Variants in P2RY8 observed in about 807,000 individuals in gnomAD.
P2RY8 encodes S-geranylgeranyl-glutathione receptor P2RY8.
A neutral mutation model predicts 10.0 loss-of-function variants in P2RY8; 6 were observed. The observed-to-expected ratio is 0.60, with a 90% CI of 0.33 to 1.19. P2RY8 has a LOEUF of 1.19. Ranked by LOEUF, P2RY8 falls within the 50% of genes most tolerant of loss-of-function variation. P2RY8 has a pLI of 0.04. For synonymous variants in P2RY8, 276 were observed against 252.5 expected (o/e 1.09, Z -0.88); for missense variants, 456 against 542.0 (o/e 0.84, Z 1.58).
intron 1 of P2RY8, among the ~76,000 whole-genome samples, chrX:1,528,442 C>T (rs1212288738): frequency 1.3e-5 from 2 of 152,218 alleles, no homozygotes; most frequent in Non-Finnish European, 2.9e-5. Flanking sequence ...GAGCAGCAGG[C>T]GCTGCCAGTC....
At chrX:1,515,034 G>C (rs1306267758) in intron 1 of P2RY8, among the ~76,000 whole-genome samples, 1 of 149,812 alleles carries the variant, frequency 6.7e-6, no homozygotes, top group Non-Finnish European at 1.5e-5. Flanking sequence ...CTCCCGAGTA[G>C]AGTAGCTGGG....
At chrX:1,487,264 C>G (rs1334342077) in intron 1 of P2RY8, among the ~76,000 whole-genome samples, 2 of 152,226 alleles carry the variant, frequency 1.3e-5, no homozygotes, top group Admixed American at 6.5e-5. Flanking sequence ...ACAGAGCTTC[C>G]TTCCTAGCTG....
At chrX:1,520,400 C>T (rs1206983533) in intron 1 of P2RY8, among the ~76,000 whole-genome samples, 6 of 151,444 alleles carry the variant, frequency 4.0e-5, no homozygotes, top group African/African-American at 1.5e-4. Context: ...CTCTCTGATC[C>T]CCAATCATCT....
intron 1 of P2RY8, among the ~76,000 whole-genome samples, chrX:1,528,619 T>C (rs1262871906): frequency 6.6e-6 from 1 of 152,236 alleles, no homozygotes; most frequent in Non-Finnish European, 1.5e-5. Flanking sequence ...GATTTGAGTT[T>C]CTTTGAATGA....
chrX:1,500,525 A>C (rs2149397437), intron 1 of P2RY8, among the ~76,000 whole-genome samples: 1 of 149,094 alleles, frequency 6.7e-6, no homozygotes. Flanking sequence ...GCTCACTGCA[A>C]CCTCCGCCTC....
intron 1 of P2RY8, among the ~76,000 whole-genome samples, chrX:1,504,350 T>TC (rs1315777301): frequency 6.6e-6 from 1 of 152,010 alleles, no homozygotes; most frequent in Non-Finnish European, 1.5e-5. Context: ...TCCACATGCT[T>TC]CTTTGCCCCC....
chrX:1,524,844 TC>T (rs2092428832), intron 1 of P2RY8, among the ~76,000 whole-genome samples: 1 of 105,070 alleles, frequency 9.5e-6, no homozygotes, highest in African/African-American at 3.2e-5. Flanking sequence ...CATCCATCCA[TC>T]CATCCACTCA....
chrX:1,495,286 T>C (rs1313274669), intron 1 of P2RY8, among the ~76,000 whole-genome samples: 2 of 152,160 alleles, frequency 1.3e-5, no homozygotes, highest in African/African-American at 2.4e-5. Context: ...CCTCCCAAAT[T>C]CATACGTTAA....
chrX:1,532,234 G>A (rs1190061526), intron 1 of P2RY8, among the ~76,000 whole-genome samples: 9 of 151,706 alleles, frequency 5.9e-5, no homozygotes, highest in Non-Finnish European at 1.2e-4. Context: ...AAACTGTGGT[G>A]TATTTATATA....
At chrX:1,472,576 T>C (rs768218575) in intron 1 of P2RY8, among the ~76,000 whole-genome samples, 2 of 122,210 alleles carry the variant, frequency 1.6e-5, no homozygotes, top group African/African-American at 3.3e-5. Context: ...GGTAGGTGGG[T>C]GAGTGGGTGG....
At chrX:1,501,755 G>C (rs28416043) in intron 1 of P2RY8, among the ~76,000 whole-genome samples, 1 of 150,966 alleles carries the variant, frequency 6.6e-6, no homozygotes, top group Non-Finnish European at 1.5e-5. Flanking sequence ...CACCACGCCC[G>C]GCTAATTTTT....
chrX:1,478,258 T>TGTGTGTGC (rs2091898150), intron 1 of P2RY8, among the ~76,000 whole-genome samples: 1 of 115,660 alleles, frequency 8.6e-6, no homozygotes, highest in African/African-American at 3.3e-5. Flanking sequence ...TATGTGTGTG[T>TGTGTGTGC]GTGTGTGTGT....
At chrX:1,526,128 T>C (rs2092438604) in intron 1 of P2RY8, among the ~76,000 whole-genome samples, 1 of 151,608 alleles carries the variant, frequency 6.6e-6, no homozygotes, top group African/African-American at 2.4e-5. Flanking sequence ...CACCCATTCA[T>C]TTATTCATGA....
intron 1 of P2RY8, among the ~76,000 whole-genome samples, chrX:1,471,171 C>G (rs1485954598): frequency 1.3e-5 from 2 of 151,860 alleles, no homozygotes; most frequent in Non-Finnish European, 2.9e-5. Context: ...CCGCACCCAG[C>G]TAATTTTTGT....
chrX:1,524,935 A>G (rs1297225227), intron 1 of P2RY8, among the ~76,000 whole-genome samples: 1 of 152,074 alleles, frequency 6.6e-6, no homozygotes, highest in Admixed American at 6.5e-5. Flanking sequence ...CCACCCATCC[A>G]TCCACTCATT....
At chrX:1,488,257 C>T (rs4304515) in intron 1 of P2RY8, among the ~76,000 whole-genome samples, 149,337 of 152,270 alleles carry the variant, frequency 0.98, 73,295 homozygotes, top group East Asian at 1. Flanking sequence ...CTGGTTCTGC[C>T]CTAAACCACC....
intron 1 of P2RY8, among the ~76,000 whole-genome samples, chrX:1,533,771 T>C (rs2092500896): frequency 8.1e-6 from 1 of 124,004 alleles, no homozygotes; most frequent in South Asian, 2.7e-4. Context: ...TATATACTTA[T>C]ATATTTATTA....
chrX:1,509,815 A>ATGTATCCATCCAT (rs1569538174), intron 1 of P2RY8, among the ~76,000 whole-genome samples: 1,084 of 103,608 alleles, frequency 0.01, 64 homozygotes, highest in African/African-American at 0.018. Context: ...CTATCTATCT[A>ATGTATCCATCCAT]TCTATCTATC....
chrX:1,532,518 T>G (rs1419628701), intron 1 of P2RY8, among the ~76,000 whole-genome samples: 1 of 149,854 alleles, frequency 6.7e-6, no homozygotes, highest in Admixed American at 6.7e-5. Flanking sequence ...TAGATGTATA[T>G]GATGTGTATA....
Sources: gnomAD v4.1 joint callset for allele counts (sites outside exome capture counted in the v4.1 genomes callset) on GRCh38, gnomAD v4.1.1 for gene constraint, MANE v1.5 for transcripts, NCBI Gene and HGNC (gene_info 2026-07-23, HGNC 2026-07-21) for gene names.